NCKIPSD: variants seen among roughly 807,000 people sequenced by gnomAD.
NCKIPSD encodes the protein NCK-interacting protein with SH3 domain.
Under a neutral mutation model 73.4 loss-of-function variants are expected in NCKIPSD, and 48 were observed. The observed-to-expected ratio is 0.65, with a 90% CI of 0.52 to 0.83. The LOEUF is 0.83. Ranked by LOEUF, NCKIPSD falls within the 40% of genes least tolerant of loss-of-function variation. The pLI is 0.00. For synonymous variants in NCKIPSD, 422 were observed against 403.6 expected (o/e 1.05, Z -0.54); for missense variants, 884 against 970.2 (o/e 0.91, Z 1.18).
chr3:48,685,867 C>A lies in NCKIPSD; in HGVS notation c.-60G>T. 2.2e-6 allele frequency: 3 copies of A among 1,339,748 alleles called. No homozygotes were observed. The highest frequency in any genetic ancestry group is 2.9e-6 in the Non-Finnish European group (3 of 1,047,500). 83.0% of individuals were successfully genotyped at this position (1,339,748 alleles called of 1,614,324 possible). A position where few individuals can be genotyped will look rare whatever the true frequency, so the allele number is the denominator to read the frequency against. The stretch of plus-strand genomic sequence containing the variant: ...AGGGCTGCGGCGCCACAACGCCAGG[C>A]CGGGAGCGCCGAGCCGCGCCGCGGT... On this transcript the variant is annotated 5_prime_UTR_variant, in exon 1 of 13. Coordinates refer to ENST00000294129, the MANE Select transcript of NCKIPSD (RefSeq NM_016453.4).
intron 12 of NCKIPSD, among the ~76,000 whole-genome samples, chr3:48,676,848 G>A (rs1188100437): frequency 6.6e-6 from 1 of 151,056 alleles, no homozygotes; most frequent in African/African-American, 2.4e-5. Flanking sequence ...TTGGCTCACA[G>A]CAACCTCCAC....
At chr3:48,678,411 C>A in intron 12 of NCKIPSD, 153 bp downstream of exon 12, 2 of 1,006,736 alleles carry the variant, frequency 2.0e-6, no homozygotes, top group Non-Finnish European at 2.8e-6. Context: ...ATGGCTGGCT[C>A]CTTTGGGTCT....
Position 48,674,219 on chromosome 3 carries a change from G to A in NCKIPSD, c.*325C>T. On this transcript the variant is annotated 3_prime_UTR_variant, in exon 13 of 13. Coordinates refer to ENST00000294129, the MANE Select transcript of NCKIPSD (RefSeq NM_016453.4). ...CAGACCAGGAGGGGTGGGGATGGGG[G>A]TCTGGTCCAGCCTGGAGCGGCAGCA... The A allele has an allele frequency of 8.0e-7, 1 of 1,245,256 alleles. No individual in the cohort carries two copies. The highest frequency in any genetic ancestry group is 2.0e-5 in the South Asian group (1 of 49,078). 77.1% of individuals were successfully genotyped at this position (1,245,256 alleles called of 1,614,324 possible). A position where few individuals can be genotyped will look rare whatever the true frequency, so the allele number is the denominator to read the frequency against.
At chr3:48,683,584 C>A (rs2077388805) in intron 1 of NCKIPSD, among the ~76,000 whole-genome samples, 1 of 152,180 alleles carries the variant, frequency 6.6e-6, no homozygotes. Flanking sequence ...CTCATCCCCA[C>A]AAGATGTCTC....
chr3:48,682,001 C>G lies in NCKIPSD; in HGVS notation c.598+44G>C, dbSNP rs769088527. The G allele has an allele frequency of 5.1e-6, 8 of 1,571,642 alleles. No individual in the cohort carries two copies. The African/African-American group carries it at 9.4e-5, about 18-fold the overall frequency. On this transcript the variant is annotated intron_variant, in intron 4 of 12. Coordinates refer to ENST00000294129, the MANE Select transcript of NCKIPSD (RefSeq NM_016453.4). ...ACACAGGCAGCACAACCATTCCAAGCATAGGGTGCCTCCACCTGAATTCCC... is the reference window on the plus strand; with the variant it reads ...ACACAGGCAGCACAACCATTCCAAGGATAGGGTGCCTCCACCTGAATTCCC...
At position 48,674,079 on chromosome 3, in the gene NCKIPSD, T is replaced by G. The variant is rs2077214655; in HGVS notation, c.*465A>C. Reference sequence around the variant, plus strand: ...GGAGTGAAGGGCAGCGACCCCCATGTGCGGGTGGAGGGGAGGACATGAGCA... The same window carrying G: ...GGAGTGAAGGGCAGCGACCCCCATGGGCGGGTGGAGGGGAGGACATGAGCA... On this transcript the variant is annotated 3_prime_UTR_variant, in exon 13 of 13. Transcript: ENST00000294129. 2.8e-6 allele frequency: 3 copies of G among 1,080,676 alleles called. No homozygotes were observed. The highest frequency in any genetic ancestry group is 3.4e-6 in the Non-Finnish European group (3 of 887,794). 66.9% of individuals were successfully genotyped at this position (1,080,676 alleles called of 1,614,324 possible).
rs1470305713 is a variant in NCKIPSD at position 48,678,953 on chromosome 3, G to A, written c.1716C>T (p.Val572=). Residue 572 remains valine (V), a synonymous_variant, in exon 11 of 13, where the codon GTC becomes GTT. Coordinates refer to ENST00000294129, the MANE Select transcript of NCKIPSD (RefSeq NM_016453.4). ...NLHLPAADQN[V]IMAALSKHAN... is the part of the protein sequence containing the mutation. ...CGTGTTTGCTCAGGGCAGCCATGAT[G>A]ACATTCTGGTCAGCAGCTAAGGAAG... 4 of 1,614,000 alleles carry A rather than the reference G, an allele frequency of 2.5e-6. No homozygotes were observed. Among genetic ancestry groups the A allele is most frequent in the Admixed American group, 1.7e-5 (1 of 60,004 alleles).
At chr3:48,683,051 A>G in intron 1 of NCKIPSD, 39 bp from the exon 2 acceptor site, 2 of 1,545,980 alleles carry the variant, frequency 1.3e-6, no homozygotes, top group Middle Eastern at 1.7e-4. Context: ...CCTGAAGGCC[A>G]AACGGAGGTG....
rs142771793 is a variant in NCKIPSD at position 48,676,361 on chromosome 3, C to G, written c.1966-1614G>C. ...TGTGGGCCTGGACCTGAACTCTCCC[C>G]TCCTGCCCCATCCACTTGACTCCTG... is the stretch of plus-strand genomic sequence containing the variant. On this transcript the variant is annotated intron_variant, in intron 12 of 12. Transcript: ENST00000294129. Among the ~76,000 whole-genome samples the G allele has an allele frequency of 5.4e-3, 818 of 152,294 alleles. 3 individuals carry two copies. Among genetic ancestry groups the G allele is most frequent in the Non-Finnish European group, 9.0e-3 (612 of 68,014 alleles).
intron 12 of NCKIPSD, 77 bp from the exon 13 acceptor site, chr3:48,674,824 G>T: frequency 6.8e-7 from 1 of 1,466,568 alleles, no homozygotes; most frequent in Non-Finnish European, 9.4e-7. Flanking sequence ...GGACCCCACT[G>T]TCCCACAGAC....
chr3:48,681,172 G>GT (rs768222535), intron 5 of NCKIPSD, 115 bp downstream of exon 5: 16 of 1,441,612 alleles, frequency 1.1e-5, no homozygotes, highest in Middle Eastern at 1.8e-4. Context: ...GCCCAGCACA[G>GT]TAAGAGCTCA....
At chr3:48,682,278 C>T in intron 3 of NCKIPSD, 70 bp downstream of exon 3, 1 of 1,593,706 alleles carries the variant, frequency 6.3e-7, no homozygotes, top group Non-Finnish European at 8.6e-7. Flanking sequence ...CCTGAGTGGA[C>T]CCCTTGAGCC....
chr3:48,682,317 C>T lies in NCKIPSD; in HGVS notation c.486+31G>A, dbSNP rs780233550. The T allele has an allele frequency of 1.9e-6, 3 of 1,610,902 alleles. No individual in the cohort carries two copies. The South Asian group carries it at 3.3e-5, about 18-fold the overall frequency. ...GGATGAAGCCTCAAGTTCCACCCACCTCCCTTCTCCACGATGTCCTCCCCA... is the reference window on the plus strand; with the variant it reads ...GGATGAAGCCTCAAGTTCCACCCACTTCCCTTCTCCACGATGTCCTCCCCA... On this transcript the variant is annotated intron_variant, in intron 3 of 12. Transcript: ENST00000294129.
At position 48,678,654 on chromosome 3, in the gene NCKIPSD, C is replaced by T. The variant is rs550922203; in HGVS notation, c.1875G>A (p.Pro625=). The T allele has an allele frequency of 5.6e-6, 9 of 1,614,066 alleles. No individual in the cohort carries two copies. Among genetic ancestry groups the T allele is most frequent in the East Asian group, 2.2e-5 (1 of 44,900 alleles). ...TGTGGTAGAAGATGGCAGCTGTGGCCGGGCTGCCAAACACGTCCTGCAGGA... is the reference window on the plus strand; with the variant it reads ...TGTGGTAGAAGATGGCAGCTGTGGCTGGGCTGCCAAACACGTCCTGCAGGA... ...LKFLQDVFGS[P]ATAAIFYHTD... is the part of the protein sequence containing the mutation. The change falls in exon 12 of 13, where the codon CCG becomes CCA. Residue 625 remains proline (P), a synonymous_variant. Coordinates refer to ENST00000294129, the MANE Select transcript of NCKIPSD (RefSeq NM_016453.4).
intron 9 of NCKIPSD, 58 bp downstream of exon 9, chr3:48,679,319 C>T (rs1263018367): frequency 8.1e-6 from 13 of 1,612,294 alleles, no homozygotes; most frequent in Middle Eastern, 1.7e-4. Flanking sequence ...CCCAGGCCCT[C>T]GGGCAATGGG....
At chr3:48,681,154 T>A in intron 5 of NCKIPSD, 133 bp downstream of exon 5, 14 of 1,335,854 alleles carry the variant, frequency 1.0e-5, no homozygotes, top group Non-Finnish European at 1.3e-5. Context: ...CAGCTCAACG[T>A]CCCCAGTGCC....
rs2077320110 is a variant in NCKIPSD, at chr3:48,679,862, T to C, written c.1289A>G (p.Lys430Arg). The C allele has an allele frequency of 6.2e-7, 1 of 1,614,226 alleles. No individual in the cohort carries two copies. The highest frequency in any genetic ancestry group is 8.5e-7 in the Non-Finnish European group (1 of 1,180,042). ...ILTDADPEVC[K>R]KMCKRNEFES... is the part of the protein sequence containing the mutation. ...GAACTCGTTTCTCTTGCACATTTTC[T>C]TGCAAACTTCAGGGTCTGCATCAGT... The change falls in exon 7 of 13, where the codon AAG (lysine) becomes AGG (arginine). Residue 430 changes from lysine (K) to arginine (R), a missense_variant. By Grantham distance (26) the Lys-to-Arg change is conservative. Transcript: ENST00000294129.
intron 4 of NCKIPSD, 51 bp downstream of exon 4, chr3:48,681,994 T>C: frequency 6.4e-7 from 1 of 1,564,252 alleles, no homozygotes; most frequent in Non-Finnish European, 8.6e-7. Context: ...AGCACAACCA[T>C]TCCAAGCATA....
chr3:48,682,236 T>C, intron 3 of NCKIPSD, 80 bp from the exon 4 acceptor site: 1 of 1,560,740 alleles, frequency 6.4e-7, no homozygotes, highest in Non-Finnish European at 8.7e-7. Flanking sequence ...GCCCTGGCTG[T>C]GGGCAGGACT....
Sources: allele counts gnomAD v4.1 joint callset (sites outside exome capture counted in the v4.1 genomes callset), GRCh38; gene constraint gnomAD v4.1.1; transcripts MANE v1.5; gene names NCBI Gene and HGNC (gene_info 2026-07-23, HGNC 2026-07-21).